Variants in MTIF2 observed in about 807,000 individuals in gnomAD.
MTIF2 encodes the protein mitochondrial translational initiation factor 2, also known as translation initiation factor IF-2, mitochondrial.
MTIF2 carries 71 observed loss-of-function variants against 83.5 expected under a neutral mutation model. That is an observed-to-expected ratio of 0.85 (90% confidence interval 0.70 to 1.04). MTIF2 has a LOEUF of 1.04. Among genes scored for constraint, MTIF2 ranks in the 50% least tolerant of loss-of-function variants. The probability of loss-of-function intolerance (pLI) is 0.00; values close to 1 mark genes in which losing one functional copy is unlikely to be tolerated. For missense variants in MTIF2, 957 were observed against 846.5 expected, an observed-to-expected ratio of 1.13 and a Z score of -1.62; for synonymous variants, 319 against 287.1, an observed-to-expected ratio of 1.11 and a Z score of -1.12.
intron 5 of MTIF2, among the ~76,000 whole-genome samples, chr2:55,261,124 C>A (rs942894814): frequency 4.6e-5 from 7 of 151,574 alleles, no homozygotes; most frequent in African/African-American, 1.2e-4. Flanking sequence ...GTAGCTGGGA[C>A]TACAGGCGCC....
chr2:55,236,857 AATG>A (rs747934415), intron 15 of MTIF2, 37 bp from the exon 16 acceptor site: 4 of 1,452,604 alleles, frequency 2.8e-6, no homozygotes, highest in Admixed American at 2.4e-5. Context: ...ATATTCAATA[AATG>A]ATAAGTACCT....
intron 15 of MTIF2, 152 bp downstream of exon 15, chr2:55,237,136 C>A: frequency 1.1e-6 from 1 of 892,188 alleles, no homozygotes; most frequent in South Asian, 2.0e-5. Context: ...GGGAACCCAT[C>A]AACTACAGAC....
chr2:55,261,253 G>A (rs1024616019), intron 5 of MTIF2, among the ~76,000 whole-genome samples: 5 of 152,154 alleles, frequency 3.3e-5, no homozygotes, highest in African/African-American at 4.8e-5. Context: ...TTACAGGCGT[G>A]AGCCACCGTG....
chr2:55,261,018 G>A (rs541313489), intron 5 of MTIF2, among the ~76,000 whole-genome samples: 43 of 150,698 alleles, frequency 2.9e-4, no homozygotes, highest in Non-Finnish European at 5.5e-4. Context: ...ATGGAGTCTC[G>A]CTCTGTCGTC....
At chr2:55,260,784 A>T (rs1266184534) in intron 5 of MTIF2, among the ~76,000 whole-genome samples, 1 of 152,124 alleles carries the variant, frequency 6.6e-6, no homozygotes, top group Non-Finnish European at 1.5e-5. Context: ...TTTCCCCAAG[A>T]GTCTGTTACA....
chr2:55,249,483 T>G lies in MTIF2; in HGVS notation c.893A>C (p.Glu298Ala). 6.2e-7 allele frequency: 1 copy of G among 1,614,146 alleles called. No homozygotes were observed. The highest frequency in any genetic ancestry group is 1.1e-5 in the South Asian group (1 of 91,076). ...NKCDKAEADP[E>A]KVKKELLAYD... ...AGCCAGCAGCTCTTTTTTCACTTTC[T>G]CAGGATCAGCCTCAGCTTTGTCACA... The change falls in exon 9 of 16, where the codon GAG becomes GCG. Residue 298 changes from glutamate (E) to alanine (A), a missense_variant. Coordinates refer to ENST00000263629, the MANE Select transcript of MTIF2 (RefSeq NM_002453.3).
chr2:55,260,426 C>G (rs1224336467), intron 5 of MTIF2, among the ~76,000 whole-genome samples: 1 of 142,876 alleles, frequency 7.0e-6, no homozygotes, highest in Non-Finnish European at 1.5e-5. Context: ...AAAAGCCAAA[C>G]AGTGTGCTAA....
At chr2:55,244,427 A>G (rs1275287447) in intron 10 of MTIF2, among the ~76,000 whole-genome samples, 194 bp from the exon 11 acceptor site, 1 of 152,184 alleles carries the variant, frequency 6.6e-6, no homozygotes, top group Admixed American at 6.5e-5. Context: ...AATCCCAGCT[A>G]TTCAGCAGGC....
intron 5 of MTIF2, among the ~76,000 whole-genome samples, chr2:55,260,398 C>G (rs1054782307): frequency 4.9e-5 from 6 of 123,342 alleles, no homozygotes; most frequent in African/African-American, 1.8e-4. Context: ...GAAACTCTGT[C>G]TCAAAAAAAA....
rs1344716930 is a variant in MTIF2 at position 55,243,306 on chromosome 2, C to G, written c.1564+110G>C. On this transcript the variant is annotated intron_variant, in intron 12 of 15. Coordinates refer to ENST00000263629, the MANE Select transcript of MTIF2 (RefSeq NM_002453.3). Reference sequence around the variant, plus strand: ...AGAAATATGTTGACTAAGAAAAACTCTCCTAAAATATTGAAATAATTTTCA... The same window carrying G: ...AGAAATATGTTGACTAAGAAAAACTGTCCTAAAATATTGAAATAATTTTCA... The G allele has an allele frequency of 9.2e-6, 11 of 1,198,642 alleles. No homozygotes were observed. The East Asian group carries it at 2.8e-4, about 30-fold the overall frequency. 74.3% of individuals were successfully genotyped at this position (1,198,642 alleles called of 1,614,324 possible). A position where few individuals can be genotyped will look rare whatever the true frequency, so the allele number is the denominator to read the frequency against.
chr2:55,248,169 A>AT lies in MTIF2; in HGVS notation c.981+1225dup, dbSNP rs1676839885. On this transcript the variant is annotated intron_variant, in intron 9 of 15. Transcript: ENST00000263629. ...CTCCCAAAGTGCTAGGCTTACAGGC[A>AT]TAAGTCACTGCGCCTGGCCAAATAC... Among the ~76,000 whole-genome samples, 5 of 152,244 alleles carry AT rather than the reference A, an allele frequency of 3.3e-5. No homozygotes were observed. In the South Asian group the frequency reaches 1.0e-3, roughly 31 times the overall value.
chr2:55,260,040 T>A (rs1027064176), intron 5 of MTIF2, among the ~76,000 whole-genome samples: 2 of 152,228 alleles, frequency 1.3e-5, no homozygotes, highest in African/African-American at 4.8e-5. Flanking sequence ...GACATAGCCA[T>A]ATTCATTTAT....
intron 5 of MTIF2, among the ~76,000 whole-genome samples, chr2:55,261,588 C>G (rs1318103629): frequency 6.6e-6 from 1 of 151,460 alleles, no homozygotes. Context: ...GCCTGGGCAA[C>G]GAGAGTGAAA....
At chr2:55,246,582 G>GATT in intron 9 of MTIF2, 121 bp from the exon 10 acceptor site, 1 of 792,412 alleles carries the variant, frequency 1.3e-6, no homozygotes, top group Non-Finnish European at 1.9e-6. Flanking sequence ...TTTAATCATT[G>GATT]AAAGCATGAT....
intron 3 of MTIF2, among the ~76,000 whole-genome samples, chr2:55,264,857 G>A (rs370004532): frequency 3.3e-5 from 5 of 151,896 alleles, no homozygotes; most frequent in African/African-American, 4.8e-5. Flanking sequence ...TTTCCTCCCC[G>A]TGGCCTCTAT....
intron 9 of MTIF2, among the ~76,000 whole-genome samples, chr2:55,247,395 T>G (rs572337032): frequency 1.3e-5 from 2 of 152,034 alleles, no homozygotes; most frequent in Admixed American, 1.3e-4. Flanking sequence ...CTACTAAAAA[T>G]ACAAAAAATT....
Position 55,262,723 on chromosome 2 carries a change from T to G in MTIF2, c.220-296A>C, listed in dbSNP as rs1424224956. Among the ~76,000 whole-genome samples, 5 of 70,006 alleles carry G rather than the reference T, an allele frequency of 7.1e-5. No individual in the cohort carries two copies. The East Asian group carries it at 1.1e-3, about 15-fold the overall frequency. 45.9% of individuals were successfully genotyped at this position (70,006 alleles called of 152,430 possible). On this transcript the variant is annotated intron_variant, in intron 4 of 15. Coordinates refer to ENST00000263629, the MANE Select transcript of MTIF2 (RefSeq NM_002453.3). ...AAGCCCAGCTAATTTTTGTATTTTT[T>G]TTTTTTGTTTTTTGTTTTGTTTTGA...
Position 55,243,446 on chromosome 2 carries a change from CTCTT to C in MTIF2, c.1530_1533del (p.Arg511IlefsTer7). 6.2e-7 allele frequency: 1 copy of C among 1,610,146 alleles called. No individual in the cohort carries two copies. The highest frequency in any genetic ancestry group is 1.1e-5 in the South Asian group (1 of 90,468). On this transcript the variant is annotated frameshift_variant, in exon 12 of 16. Coordinates refer to ENST00000263629, the MANE Select transcript of MTIF2 (RefSeq NM_002453.3). LOFTEE classifies it high-confidence loss of function. ...ATAATCACAGAAAGTACATTTGAAT[CTCTT>C]TCCCTTTTCTCTTTTGGCTTTAAGG...
rs778034432 is a variant in MTIF2 at position 55,254,836 on chromosome 2, T to A, written c.332-11A>T. Reference sequence around the variant, plus strand: ...CTTCATATACATAATCTGATTGGAATAAAATAAAACCTTTTAGGATCATTA... The same window carrying A: ...CTTCATATACATAATCTGATTGGAAAAAAATAAAACCTTTTAGGATCATTA... On this transcript the variant is annotated splice_polypyrimidine_tract_variant and intron_variant, in intron 5 of 15. Transcript: ENST00000263629. 3.3e-6 allele frequency: 5 copies of A among 1,519,404 alleles called. No individual in the cohort carries two copies. Among genetic ancestry groups the A allele is most frequent in the Non-Finnish European group, 4.4e-6 (5 of 1,133,298 alleles). The allele number at this position is 1,519,404 out of a possible 1,614,324, so 94.1% of individuals were successfully genotyped here.
Sources: gnomAD v4.1 joint callset for allele counts (sites outside exome capture counted in the v4.1 genomes callset) on GRCh38, gnomAD v4.1.1 for gene constraint, MANE v1.5 for transcripts, NCBI Gene and HGNC (gene_info 2026-07-23, HGNC 2026-07-21) for gene names.